Variants in ADGRV1 observed in about 807,000 individuals in gnomAD.
The protein encoded by ADGRV1 is G-protein coupled receptor 98.
A neutral mutation model predicts 596.2 loss-of-function variants in ADGRV1; 359 were observed. The observed-to-expected ratio is 0.60, with a 90% CI of 0.55 to 0.66. The LOEUF (loss-of-function observed/expected upper bound fraction) is 0.66. Among genes scored for constraint, ADGRV1 ranks in the 30% least tolerant of loss-of-function variants. The probability of loss-of-function intolerance (pLI) is 0.00; values close to 1 mark genes in which losing one functional copy is unlikely to be tolerated. For missense variants in ADGRV1, 7,274 were observed against 7,575.6 expected (o/e 0.96, Z 1.48); for synonymous variants, 2,681 against 2,679.2 (o/e 1.00, Z -0.02).
chr5:90,776,977 T>G (rs1405790803), intron 61 of ADGRV1, among the ~76,000 whole-genome samples: 1 of 152,160 alleles, frequency 6.6e-6, no homozygotes, highest in Non-Finnish European at 1.5e-5. Flanking sequence ...ACATTTTGCT[T>G]TCAAGTGTTC....
intron 86 of ADGRV1, among the ~76,000 whole-genome samples, chr5:91,099,056 A>G (rs1791135196): frequency 6.6e-6 from 1 of 152,194 alleles, no homozygotes; most frequent in Non-Finnish European, 1.5e-5. Context: ...TTAAATAAAA[A>G]TGAATTTTTC....
chr5:90,783,336 A>G lies in ADGRV1; in HGVS notation c.13433+11A>G, dbSNP rs1759062989. 1 of 1,560,846 alleles carries G rather than the reference A, an allele frequency of 6.4e-7. No homozygotes were observed. The highest frequency in any genetic ancestry group is 1.1e-5 in the South Asian group (1 of 89,742). ...TGATGACAATGAAAGGTTGGTATAT[A>G]GAAAATAATGTGGGCACATATAAGA... On this transcript the variant is annotated intron_variant, in intron 66 of 89. Coordinates refer to ENST00000405460, the MANE Select transcript of ADGRV1 (RefSeq NM_032119.4).
chr5:90,612,614 A>G (rs1016785697), intron 1 of ADGRV1, among the ~76,000 whole-genome samples: 2 of 152,058 alleles, frequency 1.3e-5, no homozygotes, highest in African/African-American at 4.8e-5. Context: ...GAGATATTGT[A>G]AGGATTAAAT....
intron 23 of ADGRV1, chr5:90,674,634 C>T (rs1424751803): frequency 6.5e-6 from 1 of 154,732 alleles, no homozygotes; most frequent in Non-Finnish European, 1.4e-5. Flanking sequence ...TTCTTTTTGT[C>T]TTATGCTTAA....
intron 25 of ADGRV1, 117 bp downstream of exon 25, chr5:90,676,326 A>T: frequency 2.1e-6 from 2 of 946,396 alleles, no homozygotes; most frequent in Non-Finnish European, 3.0e-6. Context: ...AAATGAATAA[A>T]TTATTAGTTT....
At chr5:91,086,242 CT>C (rs1164700824) in intron 86 of ADGRV1, among the ~76,000 whole-genome samples, 3 of 152,170 alleles carry the variant, frequency 2.0e-5, no homozygotes, top group Non-Finnish European at 4.4e-5. Flanking sequence ...TTGAGCCTAA[CT>C]TCTCTCTCCA....
At position 90,653,219 on chromosome 5, in the gene ADGRV1, A is replaced by G; in HGVS notation, c.3645A>G (p.Pro1215=). The G allele has an allele frequency of 6.2e-7, 1 of 1,607,308 alleles. No homozygotes were observed. The highest frequency in any genetic ancestry group is 8.5e-7 in the Non-Finnish European group (1 of 1,175,536). The stretch of plus-strand genomic sequence containing the variant: ...ATTTTCTTGTTACAGGTGGATCCCC[A>G]GGTCCTGGGGGCCAGCTAGCAGAAA... The part of the protein sequence containing the change: ...LKLVNISGGS[P]GPGGQLAETN... Residue 1215 remains proline, a synonymous_variant, in exon 20 of 90, where the codon CCA becomes CCG. Coordinates refer to ENST00000405460, the MANE Select transcript of ADGRV1 (RefSeq NM_032119.4).
intron 83 of ADGRV1, among the ~76,000 whole-genome samples, chr5:90,889,295 A>G (rs187980855): frequency 7.8e-4 from 119 of 152,244 alleles, no homozygotes; most frequent in African/African-American, 2.9e-3. Flanking sequence ...ACCTTTTTAA[A>G]TATTAATTGC....
chr5:90,627,962 A>ACACACACACACACAC (rs1554064823), intron 7 of ADGRV1, 186 bp downstream of exon 7: 5 of 407,014 alleles, frequency 1.2e-5, no homozygotes, highest in South Asian at 6.8e-5. Context: ...ACACACACAC[A>ACACACACACACACAC]AGAATATGTC....
At chr5:90,725,342 A>G in intron 47 of ADGRV1, 110 bp downstream of exon 47, 1 of 814,190 alleles carries the variant, frequency 1.2e-6, no homozygotes, top group Non-Finnish European at 1.8e-6. Context: ...GTGAAAAAGG[A>G]CTTTTTGTGA....
At chr5:90,817,338 G>A (rs1388446089) in intron 75 of ADGRV1, among the ~76,000 whole-genome samples, 9 of 151,546 alleles carry the variant, frequency 5.9e-5, no homozygotes, top group African/African-American at 2.2e-4. Context: ...AGTAGGTTGC[G>A]AAAATTGTCT....
intron 57 of ADGRV1, among the ~76,000 whole-genome samples, chr5:90,758,768 G>T (rs1036698969): frequency 3.3e-5 from 5 of 152,112 alleles, no homozygotes; most frequent in East Asian, 3.9e-4. Context: ...CTGCAAGCTG[G>T]ATCAAGTTTT....
At chr5:91,066,006 GAAGA>G (rs1787853716) in intron 85 of ADGRV1, among the ~76,000 whole-genome samples, 1 of 152,158 alleles carries the variant, frequency 6.6e-6, no homozygotes, top group South Asian at 2.1e-4. Context: ...TTCAACACCC[GAAGA>G]GAGAGAGATT....
At chr5:90,891,537 A>T (rs1198218444) in intron 83 of ADGRV1, among the ~76,000 whole-genome samples, 1 of 151,980 alleles carries the variant, frequency 6.6e-6, no homozygotes, top group Non-Finnish European at 1.5e-5. Context: ...GGAGCATAAT[A>T]GGAGCAAAAA....
At chr5:90,820,387 C>G (rs1763362582) in intron 75 of ADGRV1, among the ~76,000 whole-genome samples, 2 of 148,454 alleles carry the variant, frequency 1.3e-5, no homozygotes, top group Non-Finnish European at 3.0e-5. Context: ...CAGTCTGTGT[C>G]TTTTAATTGG....
intron 85 of ADGRV1, among the ~76,000 whole-genome samples, chr5:91,064,681 G>A (rs1353353536): frequency 6.6e-6 from 1 of 152,052 alleles, no homozygotes; most frequent in African/African-American, 2.4e-5. Context: ...TGATTCCCCT[G>A]GATATGAAAA....
chr5:90,747,360 A>G (rs1010774783), intron 52 of ADGRV1, among the ~76,000 whole-genome samples: 1 of 152,138 alleles, frequency 6.6e-6, no homozygotes, highest in South Asian at 2.1e-4. Flanking sequence ...GACCACCCAC[A>G]GTTTCGATGA....
At chr5:91,083,604 G>C (rs1582004520) in intron 86 of ADGRV1, among the ~76,000 whole-genome samples, 1 of 152,144 alleles carries the variant, frequency 6.6e-6, no homozygotes, top group African/African-American at 2.4e-5. Context: ...AACAAACTTT[G>C]ATCCTCACAG....
intron 83 of ADGRV1, among the ~76,000 whole-genome samples, chr5:90,880,993 T>A (rs1769709268): frequency 6.6e-6 from 1 of 152,212 alleles, no homozygotes; most frequent in Non-Finnish European, 1.5e-5. Context: ...TCCTCTGCTT[T>A]CACTCTTTGG....
Sources: gnomAD v4.1 joint callset for allele counts (sites outside exome capture counted in the v4.1 genomes callset) on GRCh38, gnomAD v4.1.1 for gene constraint, MANE v1.5 for transcripts, NCBI Gene and HGNC (gene_info 2026-07-23, HGNC 2026-07-21) for gene names.